Variants in CDH18 observed in about 807,000 individuals in gnomAD.
The protein encoded by CDH18 is cadherin 18.
In CDH18, 31 loss-of-function variants were observed where a neutral mutation model predicts 67.9. The observed-to-expected ratio is 0.46, with a 90% CI of 0.34 to 0.62. The LOEUF (loss-of-function observed/expected upper bound fraction) is 0.62. Among genes scored for constraint, CDH18 ranks in the 20% least tolerant of loss-of-function variants. The pLI is 0.01. For missense variants in CDH18, 890 were observed against 975.5 expected (o/e 0.91, Z 1.17); for synonymous variants, 362 against 347.2 (o/e 1.04, Z -0.48).
intron 5 of CDH18, among the ~76,000 whole-genome samples, chr5:19,697,573 T>C (rs1308989012): frequency 2.6e-5 from 4 of 152,084 alleles, no homozygotes; most frequent in Admixed American, 6.5e-5. Flanking sequence ...CTCACAATAA[T>C]ATAAAAAATC....
chr5:20,541,795 T>G (rs1757063325), intron 1 of CDH18, among the ~76,000 whole-genome samples: 1 of 152,180 alleles, frequency 6.6e-6, no homozygotes, highest in Admixed American at 6.5e-5. Context: ...GTTGCTATAC[T>G]TCACCATATA....
intron 2 of CDH18, among the ~76,000 whole-genome samples, chr5:19,936,976 T>A (rs1794345501): frequency 6.6e-6 from 1 of 151,326 alleles, no homozygotes; most frequent in Admixed American, 6.6e-5. Flanking sequence ...CCACTGTAAT[T>A]ATAAACATGG....
chr5:19,656,198 C>T (rs1207256688), intron 5 of CDH18, among the ~76,000 whole-genome samples: 1 of 151,898 alleles, frequency 6.6e-6, no homozygotes, highest in Admixed American at 6.6e-5. Flanking sequence ...TAAGGCAACT[C>T]TTTTCAGTAT....
chr5:20,418,443 A>G (rs1160922200), intron 1 of CDH18, among the ~76,000 whole-genome samples: 1 of 151,178 alleles, frequency 6.6e-6, no homozygotes, highest in Non-Finnish European at 1.5e-5. Flanking sequence ...CAACTCCTCC[A>G]GGGGAGAGTC....
intron 3 of CDH18, among the ~76,000 whole-genome samples, chr5:19,755,454 T>TACACAC (rs1554024397): frequency 3.1e-4 from 6 of 19,436 alleles, no homozygotes; most frequent in East Asian, 1.7e-3. Flanking sequence ...TATATATATA[T>TACACAC]ATATACACAC....
rs563913697 is a variant in CDH18, at chr5:20,078,341, T to A, written c.-517-86327A>T. Among the ~76,000 whole-genome samples, 13 of 152,062 alleles carry A rather than the reference T, an allele frequency of 8.5e-5. 1 individual carries two copies. Among genetic ancestry groups the A allele is most frequent in the Admixed American group, 7.9e-4 (12 of 15,280 alleles). ...AGCTGGGTGTGGTGGCGTGTGCCTG[T>A]AGTCCCAGCTACTTGGGAGGCTTAG... On this transcript the variant is annotated intron_variant, in intron 2 of 14. Coordinates refer to the CDH18 transcript ENST00000507958.
At chr5:20,213,762 A>T (rs1052459331) in intron 2 of CDH18, among the ~76,000 whole-genome samples, 9 of 151,884 alleles carry the variant, frequency 5.9e-5, no homozygotes, top group Non-Finnish European at 8.8e-5. Flanking sequence ...AATTGTTTTT[A>T]TTTGAATTTT....
intron 2 of CDH18, among the ~76,000 whole-genome samples, chr5:20,058,889 T>C (rs1484664573): frequency 2.6e-5 from 4 of 152,174 alleles, no homozygotes. Context: ...TTGGAACTAG[T>C]AAATTTTCAG....
intron 3 of CDH18, among the ~76,000 whole-genome samples, chr5:19,764,997 T>G (rs1772883659): frequency 6.6e-6 from 1 of 152,212 alleles, no homozygotes; most frequent in African/African-American, 2.4e-5. Context: ...TTCAAATGAC[T>G]GCTTACAGAA....
chr5:19,740,593 G>A (rs548058788), intron 4 of CDH18, among the ~76,000 whole-genome samples: 66 of 152,138 alleles, frequency 4.3e-4, no homozygotes, highest in African/African-American at 1.6e-3. Context: ...CTAATTTTAT[G>A]TCTTTGTATT....
At chr5:20,324,107 C>G (rs73763357) in intron 1 of CDH18, among the ~76,000 whole-genome samples, 1 of 152,068 alleles carries the variant, frequency 6.6e-6, no homozygotes, top group South Asian at 2.1e-4. Flanking sequence ...TATACTACAT[C>G]GATTTAAAAG....
At chr5:19,917,347 C>G in intron 2 of CDH18, among the ~76,000 whole-genome samples, 1 of 149,328 alleles carries the variant, frequency 6.7e-6, no homozygotes, top group African/African-American at 2.5e-5. Context: ...CCCCCCCCGC[C>G]CCCTTTTTTT....
chr5:20,200,658 A>T (rs924500585), intron 2 of CDH18, among the ~76,000 whole-genome samples: 9 of 152,148 alleles, frequency 5.9e-5, no homozygotes, highest in Non-Finnish European at 1.2e-4. Flanking sequence ...CCTGGGCAAC[A>T]GAGTGAGAGC....
chr5:19,651,339 T>C (rs1755548094), intron 5 of CDH18, among the ~76,000 whole-genome samples: 1 of 152,018 alleles, frequency 6.6e-6, no homozygotes, highest in South Asian at 2.1e-4. Flanking sequence ...TTTAAAAAAA[T>C]GTGTTCAACA....
intron 2 of CDH18, among the ~76,000 whole-genome samples, chr5:20,102,073 A>T (rs1309283210): frequency 1.3e-5 from 2 of 152,174 alleles, no homozygotes; most frequent in Admixed American, 1.3e-4. Context: ...GCTGTCTCGG[A>T]AAAAACAAAA....
chr5:20,468,784 T>A (rs1445338538), intron 1 of CDH18, among the ~76,000 whole-genome samples: 1 of 152,102 alleles, frequency 6.6e-6, no homozygotes, highest in Non-Finnish European at 1.5e-5. Context: ...AGCAAAACCA[T>A]TGATTGAACG....
intron 4 of CDH18, among the ~76,000 whole-genome samples, chr5:19,730,022 C>G (rs1275785970): frequency 1.3e-5 from 2 of 151,824 alleles, no homozygotes; most frequent in Non-Finnish European, 2.9e-5. Flanking sequence ...CTCTCTCCCT[C>G]CCACCTTCTT....
chr5:20,431,105 G>A (rs1748698152), intron 1 of CDH18, among the ~76,000 whole-genome samples: 1 of 152,086 alleles, frequency 6.6e-6, no homozygotes, highest in East Asian at 1.9e-4. Flanking sequence ...TGAATATTGT[G>A]TTAAAATAAG....
chr5:19,831,617 A>G (rs1781039835), intron 3 of CDH18, among the ~76,000 whole-genome samples: 1 of 152,032 alleles, frequency 6.6e-6, no homozygotes, highest in Admixed American at 6.6e-5. Flanking sequence ...TGCTAGCAGG[A>G]CTGTGGAGAA....
Sources: allele counts gnomAD v4.1 joint callset (sites outside exome capture counted in the v4.1 genomes callset), GRCh38; gene constraint gnomAD v4.1.1; transcripts MANE v1.5; gene names NCBI Gene and HGNC (gene_info 2026-07-23, HGNC 2026-07-21).